PDE4D: variants seen among roughly 807,000 people sequenced by gnomAD.
PDE4D encodes the protein phosphodiesterase 4D.
PDE4D carries 24 observed loss-of-function variants against 87.4 expected under a neutral mutation model. The observed-to-expected ratio is 0.27, with a 90% confidence interval of 0.20 to 0.39. The LOEUF (loss-of-function observed/expected upper bound fraction) is 0.39, where lower values mean the gene tolerates loss of function less well. Among genes scored for constraint, PDE4D ranks in the 10% least tolerant of loss-of-function variants. The pLI is 1.00. For missense variants in PDE4D, 714 were observed against 1,041.0 expected (o/e 0.69, Z 4.32); for synonymous variants, 384 against 383.2 (o/e 1.00, Z -0.02).
chr5:59,312,089 T>A (rs1772789065), intron 1 of PDE4D, among the ~76,000 whole-genome samples: 1 of 152,160 alleles, frequency 6.6e-6, no homozygotes, highest in African/African-American at 2.4e-5. Context: ...ACCGGGCTCC[T>A]TAGTTCTCCT....
chr5:59,586,292 TGA>T (rs1561270276), intron 1 of PDE4D: 1 of 1,465,464 alleles, frequency 6.8e-7, no homozygotes, highest in East Asian at 2.3e-5. Flanking sequence ...TTGATAATTC[TGA>T]GTTTTACAAA....
intron 1 of PDE4D, among the ~76,000 whole-genome samples, chr5:59,603,379 C>G (rs182183180): frequency 2.6e-5 from 4 of 152,022 alleles, no homozygotes; most frequent in Non-Finnish European, 5.9e-5. Context: ...AAATGGCCAA[C>G]AGACATATGA....
chr5:60,239,656 T>C (rs1746850788), intron 1 of PDE4D, among the ~76,000 whole-genome samples: 1 of 152,118 alleles, frequency 6.6e-6, no homozygotes, highest in Non-Finnish European at 1.5e-5. Context: ...AAATCCTTTG[T>C]TAGATTTATT....
At chr5:60,003,771 T>G (rs1444840682) in intron 2 of PDE4D, among the ~76,000 whole-genome samples, 1 of 149,892 alleles carries the variant, frequency 6.7e-6, no homozygotes, top group Non-Finnish European at 1.5e-5. Flanking sequence ...ACTCCCTAAT[T>G]CCAAACTATA....
intron 1 of PDE4D, among the ~76,000 whole-genome samples, chr5:59,424,980 A>G (rs908436911): frequency 6.6e-5 from 10 of 152,200 alleles, no homozygotes; most frequent in African/African-American, 2.2e-4. Flanking sequence ...AATGTTTATT[A>G]CCTAGTCTGG....
At chr5:59,459,092 G>C (rs1800355722) in intron 1 of PDE4D, among the ~76,000 whole-genome samples, 1 of 151,824 alleles carries the variant, frequency 6.6e-6, no homozygotes, top group African/African-American at 2.4e-5. Flanking sequence ...CCTTTTAACT[G>C]TACTCTCTAG....
At chr5:60,152,350 T>C (rs1266763638) in intron 2 of PDE4D, among the ~76,000 whole-genome samples, 1 of 152,170 alleles carries the variant, frequency 6.6e-6, no homozygotes, top group African/African-American at 2.4e-5. Context: ...TTTAAATGTT[T>C]GGTAGAATTT....
intron 9 of PDE4D, 74 bp downstream of exon 9, chr5:58,990,730 A>G (rs935758437): frequency 2.6e-6 from 2 of 778,652 alleles, no homozygotes; most frequent in African/African-American, 3.5e-5. Flanking sequence ...AAAAAGACAA[A>G]ATGTATGCAT....
chr5:59,339,391 G>C (rs1291076800), intron 1 of PDE4D, among the ~76,000 whole-genome samples: 1 of 152,162 alleles, frequency 6.6e-6, no homozygotes, highest in Non-Finnish European at 1.5e-5. Context: ...ATAGCATTCT[G>C]TCTAAGGTTA....
At chr5:60,518,877 C>A (rs922549390) in intron 1 of PDE4D, among the ~76,000 whole-genome samples, 3 of 152,186 alleles carry the variant, frequency 2.0e-5, no homozygotes, top group African/African-American at 7.2e-5. Flanking sequence ...GGAAATACAG[C>A]AAAATGGCTG....
chr5:60,314,170 A>AT (rs199984345), intron 1 of PDE4D, among the ~76,000 whole-genome samples: 7,904 of 145,592 alleles, frequency 0.054, 463 homozygotes, highest in African/African-American at 0.14. Flanking sequence ...AGACAGTATG[A>AT]TTTTTTTTTT....
chr5:59,028,830 G>C (rs1401202232), intron 6 of PDE4D, among the ~76,000 whole-genome samples: 5 of 152,176 alleles, frequency 3.3e-5, no homozygotes, highest in African/African-American at 4.8e-5. Flanking sequence ...ATTTAGACTA[G>C]TGTGTCCAAA....
chr5:60,011,557 A>G (rs1409565787), intron 2 of PDE4D, among the ~76,000 whole-genome samples: 1 of 152,122 alleles, frequency 6.6e-6, no homozygotes, highest in Admixed American at 6.6e-5. Context: ...CATATTACAC[A>G]AAGTTTTTAT....
At chr5:60,405,636 G>A (rs1455494890) in intron 1 of PDE4D, among the ~76,000 whole-genome samples, 4 of 152,182 alleles carry the variant, frequency 2.6e-5, no homozygotes, top group African/African-American at 9.7e-5. Context: ...AATGCTTATG[G>A]TATTGCTTAT....
chr5:59,883,592 A>G (rs1749758148), intron 1 of PDE4D, among the ~76,000 whole-genome samples: 1 of 152,204 alleles, frequency 6.6e-6, no homozygotes, highest in Non-Finnish European at 1.5e-5. Flanking sequence ...AAAATGTTGA[A>G]ACTGCACACA....
chr5:59,321,591 T>C (rs777520865), intron 1 of PDE4D, among the ~76,000 whole-genome samples: 10 of 152,132 alleles, frequency 6.6e-5, no homozygotes, highest in Non-Finnish European at 1.5e-4. Flanking sequence ...AAAAGAAAGC[T>C]AGAGTTTGGC....
chr5:59,481,372 C>CA (rs11365791), intron 1 of PDE4D, among the ~76,000 whole-genome samples: 190 of 131,366 alleles, frequency 1.4e-3, no homozygotes, highest in South Asian at 3.0e-3. Flanking sequence ...CAATGTAGTC[C>CA]AAAAAAAAAA....
At chr5:59,876,123 C>A (rs1425322743) in intron 1 of PDE4D, among the ~76,000 whole-genome samples, 1 of 152,080 alleles carries the variant, frequency 6.6e-6, no homozygotes, top group African/African-American at 2.4e-5. Flanking sequence ...CTTAAAAGGA[C>A]AACAACAACA....
At chr5:59,354,844 G>A (rs1029160913) in intron 1 of PDE4D, among the ~76,000 whole-genome samples, 6 of 152,218 alleles carry the variant, frequency 3.9e-5, no homozygotes, top group African/African-American at 7.2e-5. Context: ...TTTGCTGTAT[G>A]TAAGGAAACT....
Sources: allele counts gnomAD v4.1 joint callset (sites outside exome capture counted in the v4.1 genomes callset), GRCh38; gene constraint gnomAD v4.1.1; transcripts MANE v1.5; gene names NCBI Gene and HGNC (gene_info 2026-07-23, HGNC 2026-07-21).